NKD1: variants seen among roughly 807,000 people sequenced by gnomAD.
The protein encoded by NKD1 is NKD inhibitor of Wnt signaling pathway 1.
NKD1 carries 21 observed loss-of-function variants against 56.0 expected under a neutral mutation model. That is an observed-to-expected ratio of 0.38 (90% CI 0.27 to 0.54). The LOEUF (loss-of-function observed/expected upper bound fraction) is 0.54, where lower values mean the gene tolerates loss of function less well. NKD1 is among the 20% of genes least tolerant of loss of function. The pLI is 0.82. For synonymous variants in NKD1, 263 were observed against 265.7 expected, an observed-to-expected ratio of 0.99 and a Z score of 0.10; for missense variants, 578 against 642.7, an observed-to-expected ratio of 0.90 and a Z score of 1.09.
intron 3 of NKD1, among the ~76,000 whole-genome samples, chr16:50,560,193 A>G (rs1960592412): frequency 6.6e-6 from 1 of 152,154 alleles, no homozygotes; most frequent in Admixed American, 6.5e-5. Flanking sequence ...GGCACTGGGG[A>G]CTTTCTCTGC....
In NKD1 at chr16:50,647,557, A is replaced by G. The variant is rs904532703; in HGVS notation, c.*13776A>G. On this transcript the variant is annotated 3_prime_UTR_variant, in exon 10 of 10. Transcript: ENST00000268459. ...GAGTGGGGAAGTGAGGCAGAAAAGG[A>G]AGGGAAGTTCCACTCCAGGAGCCCA... is the stretch of plus-strand genomic sequence containing the variant. 1 of 152,148 alleles carries G rather than the reference A, an allele frequency of 6.6e-6. No individual in the cohort carries two copies. Among genetic ancestry groups the G allele is most frequent in the African/African-American group, 2.4e-5 (1 of 41,432 alleles). The allele number at this position is 152,148 out of a possible 1,614,324, so 9.4% of individuals were successfully genotyped here.
chr16:50,574,073 A>G (rs1047436431), intron 3 of NKD1: 2 of 819,100 alleles, frequency 2.4e-6, no homozygotes, highest in African/African-American at 1.9e-5. Flanking sequence ...CGTTTTACAG[A>G]TGGTAAAACT....
chr16:50,567,137 G>T (rs560434033), intron 3 of NKD1, among the ~76,000 whole-genome samples: 1 of 152,042 alleles, frequency 6.6e-6, no homozygotes, highest in Non-Finnish European at 1.5e-5. Flanking sequence ...CCGTGTTGAC[G>T]CTGGGCCTTA....
At chr16:50,612,992 TG>T (rs968439577) in intron 4 of NKD1, among the ~76,000 whole-genome samples, 4 of 152,124 alleles carry the variant, frequency 2.6e-5, no homozygotes, top group South Asian at 2.1e-4. Context: ...TGGCCTAGCC[TG>T]GGAGCTTGGG....
chr16:50,555,747 G>A (rs1960487743), intron 3 of NKD1: 1 of 152,210 alleles, frequency 6.6e-6, no homozygotes, highest in Non-Finnish European at 1.5e-5. Context: ...TGGTGAGCTG[G>A]GGGGTCCTGC....
chr16:50,625,096 T>C (rs559861613), intron 5 of NKD1: 180 of 267,356 alleles, frequency 6.7e-4, no homozygotes, highest in African/African-American at 3.9e-3. Context: ...CTCATGCTCA[T>C]GCTGTCCTAC....
chr16:50,601,046 T>C (rs754568846), intron 3 of NKD1, among the ~76,000 whole-genome samples: 3 of 152,252 alleles, frequency 2.0e-5, no homozygotes, highest in Admixed American at 6.5e-5. Flanking sequence ...CTTTGGCGTC[T>C]TGAAGGCCTG....
At chr16:50,590,177 G>A (rs1349130803) in intron 3 of NKD1, among the ~76,000 whole-genome samples, 2 of 152,122 alleles carry the variant, frequency 1.3e-5, no homozygotes, top group African/African-American at 4.8e-5. Flanking sequence ...TACTATAGGT[G>A]ACCTCTCCTG....
At chr16:50,605,511 A>G (rs1961686363) in intron 3 of NKD1, among the ~76,000 whole-genome samples, 1 of 152,236 alleles carries the variant, frequency 6.6e-6, no homozygotes, top group Admixed American at 6.5e-5. Context: ...GATTCAGCCA[A>G]CCATAGATAG....
At chr16:50,604,697 C>T (rs1961667834) in intron 3 of NKD1, among the ~76,000 whole-genome samples, 1 of 152,242 alleles carries the variant, frequency 6.6e-6, no homozygotes, top group African/African-American at 2.4e-5. Context: ...CAAGGTCTGA[C>T]CCCTCCAGTT....
chr16:50,594,176 G>C (rs1409715361), intron 3 of NKD1, among the ~76,000 whole-genome samples: 3 of 147,990 alleles, frequency 2.0e-5, no homozygotes, highest in Admixed American at 6.8e-5. Flanking sequence ...GTGGGGTGGG[G>C]TGGGAAGAAA....
At chr16:50,599,147 C>T (rs116701494) in intron 3 of NKD1, among the ~76,000 whole-genome samples, 1,639 of 152,162 alleles carry the variant, frequency 0.011, 16 homozygotes, top group African/African-American at 0.037. Flanking sequence ...GGCTTTGATC[C>T]GCTGTGGCAT....
In NKD1 at chr16:50,592,771, T is replaced by C. The variant is rs186435810; in HGVS notation, c.193-15523T>C. ...GGGGAGCATCCTGCACAGAGGGTGG[T>C]GATGGGGAGGGGGAGGGGGCGGAAT... is the stretch of plus-strand genomic sequence containing the variant. On this transcript the variant is annotated intron_variant, in intron 3 of 9. Coordinates refer to ENST00000268459, the MANE Select transcript of NKD1 (RefSeq NM_033119.5). 2.0e-3 allele frequency among the ~76,000 whole-genome samples: 233 copies of C among 117,346 alleles called. 1 individual carries two copies. The highest frequency in any genetic ancestry group is 7.4e-3 in the African/African-American group (223 of 29,942). 77.0% of individuals were successfully genotyped at this position (117,346 alleles called of 152,430 possible). A position where few individuals can be genotyped will look rare whatever the true frequency, so the allele number is the denominator to read the frequency against.
At chr16:50,630,436 G>A (rs1265071576) in intron 7 of NKD1, 103 bp downstream of exon 7, 2 of 1,349,842 alleles carry the variant, frequency 1.5e-6, no homozygotes. Flanking sequence ...GCTTTCTGGG[G>A]CAGCTGCTTT....
At chr16:50,558,396 G>A (rs890911527) in intron 3 of NKD1, 6 of 152,198 alleles carry the variant, frequency 3.9e-5, no homozygotes, top group African/African-American at 1.2e-4. Context: ...CCTCACAACT[G>A]CCTTAGGTAT....
chr16:50,644,044 A>G lies in NKD1; in HGVS notation c.*10263A>G, dbSNP rs1239972272. ...GTATAGGATGAGAACTGAACCACGA[A>G]AGCAGAGCATCATCTTGTTCGACCT... On this transcript the variant is annotated 3_prime_UTR_variant, in exon 10 of 10. Coordinates refer to ENST00000268459, the MANE Select transcript of NKD1 (RefSeq NM_033119.5). 6.6e-6 allele frequency: 1 copy of G among 152,280 alleles called. No individual in the cohort carries two copies. Among genetic ancestry groups the G allele is most frequent in the Non-Finnish European group, 1.5e-5 (1 of 68,052 alleles). 9.4% of individuals were successfully genotyped at this position (152,280 alleles called of 1,614,324 possible). A position where few individuals can be genotyped will look rare whatever the true frequency, so the allele number is the denominator to read the frequency against.
chr16:50,574,651 G>A (rs1960954460), intron 3 of NKD1: 1 of 985,330 alleles, frequency 1.0e-6, no homozygotes, highest in African/African-American at 1.7e-5. Context: ...CGTGCCAGGA[G>A]CCAGGGGGTC....
chr16:50,603,495 G>A (rs371474698), intron 3 of NKD1, among the ~76,000 whole-genome samples: 3 of 152,206 alleles, frequency 2.0e-5, no homozygotes, highest in South Asian at 2.1e-4. Context: ...CTCTTTCCCC[G>A]GCACATCCCA....
chr16:50,637,752 C>T lies in NKD1; in HGVS notation c.*3971C>T, dbSNP rs1049799723. The T allele has an allele frequency of 8.5e-5, 13 of 152,182 alleles. No individual in the cohort carries two copies. Among genetic ancestry groups the T allele is most frequent in the African/African-American group, 2.9e-4 (12 of 41,460 alleles). The allele number at this position is 152,182 out of a possible 1,614,324, so 9.4% of individuals were successfully genotyped here. A position where few individuals can be genotyped will look rare whatever the true frequency, so the allele number is the denominator to read the frequency against. ...GAGAGGTTTGGTCTTGTTTGCAAAT[C>T]TTCTGAAGGCCATTCCAGAGGAGCA... On this transcript the variant is annotated 3_prime_UTR_variant, in exon 10 of 10. Coordinates refer to ENST00000268459, the MANE Select transcript of NKD1 (RefSeq NM_033119.5).
Sources: gnomAD v4.1 joint callset for allele counts (sites outside exome capture counted in the v4.1 genomes callset) on GRCh38, gnomAD v4.1.1 for gene constraint, MANE v1.5 for transcripts, NCBI Gene and HGNC (gene_info 2026-07-23, HGNC 2026-07-21) for gene names.